RTN4R: variants seen among roughly 807,000 people sequenced by gnomAD.
RTN4R encodes the protein reticulon 4 receptor, also known as reticulon-4 receptor.
RTN4R carries 4 observed loss-of-function variants against 27.7 expected under a neutral mutation model. That is an observed-to-expected ratio of 0.14 (90% CI 0.07 to 0.33). RTN4R has a LOEUF of 0.33. Among genes scored for constraint, RTN4R ranks in the 10% least tolerant of loss-of-function variants. The pLI, the probability that RTN4R is intolerant of heterozygous loss-of-function variation, is 1.00. For missense variants in RTN4R, 554 were observed against 671.5 expected (o/e 0.83, Z 1.93); for synonymous variants, 290 against 305.6 (o/e 0.95, Z 0.53).
chr22:20,243,639 A>G, intron 1 of RTN4R: 1 of 418,330 alleles, frequency 2.4e-6, no homozygotes, highest in Non-Finnish European at 5.0e-6. Context: ...GCTTAGGAGG[A>G]GTCGCGTCCC....
intron 1 of RTN4R, among the ~76,000 whole-genome samples, chr22:20,250,665 C>A (rs773593165): frequency 6.6e-6 from 1 of 152,044 alleles, no homozygotes; most frequent in Non-Finnish European, 1.5e-5. Context: ...GGGTTCTAGG[C>A]AAGAAAGAGA....
chr22:20,241,930 C>A lies in RTN4R; in HGVS notation c.1203G>T (p.Glu401Asp). The change falls in exon 2 of 2, where the codon GAG (glutamate) becomes GAT (aspartate). Residue 401 changes from glutamate to aspartate, a missense_variant. Around this residue, in one of 2 missense-constraint regions of RTN4R, gnomAD observed 141 missense variants for 129.2 expected, o/e 1.09. Transcript: ENST00000043402. The part of the protein sequence containing the change: ...AEPPLTAVRP[E>D]GSEPPGFPTS... ...TGGGGAACCCTGGTGGCTCGGAGCC[C>A]TCGGGCCGCACTGCAGTGAGCGGGG... The A allele has an allele frequency of 6.2e-7, 1 of 1,606,458 alleles. No individual in the cohort carries two copies. Among genetic ancestry groups the A allele is most frequent in the Non-Finnish European group, 8.5e-7 (1 of 1,177,886 alleles).
chr22:20,265,095 G>A (rs193134638), intron 1 of RTN4R, among the ~76,000 whole-genome samples: 14 of 152,168 alleles, frequency 9.2e-5, no homozygotes, highest in Admixed American at 5.2e-4. Context: ...TCTGCCTCCC[G>A]CCCGTCCTGT....
intron 1 of RTN4R, among the ~76,000 whole-genome samples, chr22:20,251,843 TCCTCATCACCCTCAC>T: frequency 7.5e-6 from 1 of 134,148 alleles, no homozygotes; most frequent in Non-Finnish European, 1.6e-5. Flanking sequence ...ATCATCACCA[TCCTCATCACCCTCAC>T]CATCCTCATC....
chr22:20,265,744 G>A (rs1468367232), intron 1 of RTN4R, among the ~76,000 whole-genome samples: 1 of 152,224 alleles, frequency 6.6e-6, no homozygotes, highest in Admixed American at 6.5e-5. Flanking sequence ...CCAGCTGGCA[G>A]TGCAAAGGTC....
At chr22:20,243,487 G>T (rs1722700986) in intron 1 of RTN4R, 2 of 515,210 alleles carry the variant, frequency 3.9e-6, no homozygotes, top group Non-Finnish European at 7.8e-6. Flanking sequence ...CATTGCAGGA[G>T]TCCCCGGGGG....
intron 1 of RTN4R, among the ~76,000 whole-genome samples, chr22:20,267,323 A>C (rs2145988508): frequency 6.6e-6 from 1 of 152,320 alleles, no homozygotes; most frequent in African/African-American, 2.4e-5. Flanking sequence ...AGCACCCTCC[A>C]GGCGGGGCAT....
chr22:20,256,311 G>A (rs1245014999), intron 1 of RTN4R, among the ~76,000 whole-genome samples: 2 of 152,198 alleles, frequency 1.3e-5, no homozygotes, highest in Non-Finnish European at 2.9e-5. Flanking sequence ...GGGTCAGGGG[G>A]CCATGCACAG....
chr22:20,243,513 C>T (rs2051122301), intron 1 of RTN4R: 1 of 493,372 alleles, frequency 2.0e-6, no homozygotes. Context: ...AGTGGGGGTT[C>T]CACCCACAGG....
chr22:20,251,287 G>C (rs1332061034), intron 1 of RTN4R, among the ~76,000 whole-genome samples: 3 of 152,150 alleles, frequency 2.0e-5, no homozygotes, highest in Non-Finnish European at 4.4e-5. Context: ...GATCTTCACA[G>C]TTAATAACAA....
chr22:20,256,857 C>T (rs2051214856), intron 1 of RTN4R, among the ~76,000 whole-genome samples: 1 of 152,212 alleles, frequency 6.6e-6, no homozygotes, highest in Non-Finnish European at 1.5e-5. Context: ...AAGGCTGGGT[C>T]TGGGTGAGGC....
chr22:20,257,003 A>G (rs937686213), intron 1 of RTN4R, among the ~76,000 whole-genome samples: 38 of 152,170 alleles, frequency 2.5e-4, no homozygotes, highest in Non-Finnish European at 4.3e-4. Flanking sequence ...CGGTTGAGGC[A>G]CCCTGGGCTT....
intron 1 of RTN4R, among the ~76,000 whole-genome samples, chr22:20,262,912 C>G (rs139606333): frequency 6.6e-6 from 1 of 152,188 alleles, no homozygotes; most frequent in Admixed American, 6.5e-5. Context: ...TTGTGATAGC[C>G]GGGGATCCAG....
intron 1 of RTN4R, among the ~76,000 whole-genome samples, chr22:20,257,504 G>A (rs964755028): frequency 6.6e-6 from 1 of 152,190 alleles, no homozygotes; most frequent in African/African-American, 2.4e-5. Context: ...TGAGGGCACG[G>A]TAAGGAGGTG....
intron 1 of RTN4R, among the ~76,000 whole-genome samples, chr22:20,256,355 A>G (rs2051212194): frequency 6.6e-6 from 1 of 152,204 alleles, no homozygotes; most frequent in South Asian, 2.1e-4. Flanking sequence ...TGTAAGCCCC[A>G]AAGACTGGGC....
chr22:20,260,436 G>C (rs1170528396), intron 1 of RTN4R, among the ~76,000 whole-genome samples: 1 of 152,156 alleles, frequency 6.6e-6, no homozygotes. Flanking sequence ...CACAAAGGAG[G>C]GGGCACCAGG....
intron 1 of RTN4R, among the ~76,000 whole-genome samples, chr22:20,248,390 C>T (rs1342401227): frequency 2.0e-5 from 3 of 152,188 alleles, no homozygotes; most frequent in Non-Finnish European, 4.4e-5. Flanking sequence ...GTCCTGTTTC[C>T]AGCCAGCAGG....
At chr22:20,261,445 C>G (rs2051246067) in intron 1 of RTN4R, among the ~76,000 whole-genome samples, 1 of 152,234 alleles carries the variant, frequency 6.6e-6, no homozygotes, top group South Asian at 2.1e-4. Flanking sequence ...CCAAATCAAG[C>G]TGCCACTATG....
At chr22:20,259,620 T>A (rs1355640160) in intron 1 of RTN4R, among the ~76,000 whole-genome samples, 1 of 152,088 alleles carries the variant, frequency 6.6e-6, no homozygotes, top group Non-Finnish European at 1.5e-5. Flanking sequence ...CCTCCAAGCA[T>A]CTCACCCGGG....
Sources: gnomAD v4.1 joint callset for allele counts (sites outside exome capture counted in the v4.1 genomes callset) on GRCh38, gnomAD v4.1.1 for gene constraint, gnomAD v4.1.1 regional missense constraint, MANE v1.5 for transcripts, NCBI Gene and HGNC (gene_info 2026-07-23, HGNC 2026-07-21) for gene names.